LMOD2: variants seen among roughly 807,000 people sequenced by gnomAD.
The protein encoded by LMOD2 is leiomodin-2.
Under a neutral mutation model 41.7 loss-of-function variants are expected in LMOD2, and 27 were observed. The observed-to-expected ratio is 0.65, with a 90% CI of 0.48 to 0.89. LMOD2 has a LOEUF of 0.89. Ranked by LOEUF, LMOD2 falls within the 40% of genes least tolerant of loss-of-function variation. The pLI is 0.00. For synonymous variants in LMOD2, 251 were observed against 244.6 expected, an observed-to-expected ratio of 1.03 and a Z score of -0.25; for missense variants, 624 against 667.9, an observed-to-expected ratio of 0.93 and a Z score of 0.72.
At position 123,656,048 on chromosome 7, in the gene LMOD2, G is replaced by C. The variant is rs780105423; in HGVS notation, c.85G>C (p.Glu29Gln). Residue 29 changes from glutamate (E) to glutamine (Q), a missense_variant, in exon 1 of 3, where the codon GAG becomes CAG. Coordinates refer to ENST00000458573, the MANE Select transcript of LMOD2 (RefSeq NM_207163.3). ...DELLASLSAEELKELERELED... is the reference protein window; with the variant it reads ...DELLASLSAEQLKELERELED... ...ACTCCTCGCCTCCCTGTCAGCCGAG[G>C]AGCTGAAGGAGCTAGAGAGAGAGTT... The C allele has an allele frequency of 4.3e-6, 7 of 1,611,550 alleles. No individual in the cohort carries two copies. The highest frequency in any genetic ancestry group is 5.9e-6 in the Non-Finnish European group (7 of 1,178,954).
In LMOD2 at chr7:123,660,732, C is replaced by T. The variant is rs199586942; in HGVS notation, c.274-1128C>T. Among the ~76,000 whole-genome samples the T allele has an allele frequency of 1.0e-4, 15 of 144,934 alleles. No homozygotes were observed. In the East Asian group the frequency reaches 3.0e-3, roughly 29 times the overall value. On this transcript the variant is annotated intron_variant, in intron 1 of 2. Transcript: ENST00000458573. ...TAGACTCTGTCAGCAATTTCTAGACCTTTTTTTTTTTTAATCAGAAAAGAT... is the reference window on the plus strand; with the variant it reads ...TAGACTCTGTCAGCAATTTCTAGACTTTTTTTTTTTTTAATCAGAAAAGAT...
chr7:123,658,331 C>T (rs1802823030), intron 1 of LMOD2, among the ~76,000 whole-genome samples: 1 of 152,164 alleles, frequency 6.6e-6, no homozygotes, highest in South Asian at 2.1e-4. Flanking sequence ...ATGGAGGGTG[C>T]AAATCCAATT....
Position 123,662,726 on chromosome 7 carries a change from G to A in LMOD2, c.1140G>A (p.Trp380Ter), listed in dbSNP as rs1479557238. ...DGGPNLRTKV[W>*]QRGTPSSSPY... ...GACCCAATCTTAGGACCAAAGTCTG[G>A]CAAAGAGGAACACCTAGCTCTTCAC... The change falls in exon 2 of 3, where the codon TGG becomes TGA. Residue 380 changes from tryptophan (W) to a stop codon, truncating the protein, a stop_gained. Transcript: ENST00000458573. LOFTEE classifies it high-confidence loss of function. The surrounding 1 kb of genome is among the most constrained non-coding windows in gnomAD (Gnocchi z 4.0). The A allele has an allele frequency of 6.2e-7, 1 of 1,613,964 alleles. No individual in the cohort carries two copies. Among genetic ancestry groups the A allele is most frequent in the Non-Finnish European group, 8.5e-7 (1 of 1,179,884 alleles).
At chr7:123,661,727 G>T in intron 1 of LMOD2, 133 bp from the exon 2 acceptor site, 1 of 586,466 alleles carries the variant, frequency 1.7e-6, no homozygotes, top group Non-Finnish European at 2.9e-6. Flanking sequence ...TAGACAGAAT[G>T]GAAGCAGAGG....
intron 1 of LMOD2, among the ~76,000 whole-genome samples, chr7:123,657,204 G>A (rs1385431076): frequency 6.6e-6 from 1 of 151,952 alleles, no homozygotes; most frequent in Non-Finnish European, 1.5e-5. Flanking sequence ...ATTATTCTCT[G>A]GGAAAACAGT....
At chr7:123,661,052 C>A (rs931246152) in intron 1 of LMOD2, among the ~76,000 whole-genome samples, 2 of 152,144 alleles carry the variant, frequency 1.3e-5, no homozygotes, top group African/African-American at 4.8e-5. Context: ...TTGGAGGTTT[C>A]AAGTTGATTT....
At position 123,656,089 on chromosome 7, in the gene LMOD2, T is replaced by C. The variant is rs980621703; in HGVS notation, c.126T>C (p.Pro42=). The C allele has an allele frequency of 1.2e-6, 2 of 1,611,822 alleles. No individual in the cohort carries two copies. The highest frequency in any genetic ancestry group is 1.3e-5 in the African/African-American group (1 of 74,898). Residue 42 remains proline, a synonymous_variant, in exon 1 of 3, where the codon CCT becomes CCC. Transcript: ENST00000458573. The part of the protein sequence containing the change: ...ELERELEDIE[P]DRNLPVGLRQ... ...AGAGAGAGTTGGAAGACATTGAACC[T>C]GACCGCAACCTTCCCGTGGGGCTAA...
Position 123,663,160 on chromosome 7 carries a change from T to G in LMOD2, c.1574T>G (p.Leu525Arg). ...STPQRSAHEN[L>R]MEAIRGSSIK... ...CCACAGAGATCAGCTCATGAGAATCTCATGGAAGCAATTCGGGGAAGCAGC... is the reference window on the plus strand; with the variant it reads ...CCACAGAGATCAGCTCATGAGAATCGCATGGAAGCAATTCGGGGAAGCAGC... The change falls in exon 2 of 3, where the codon CTC becomes CGC. Residue 525 changes from leucine to arginine, a missense_variant. By Grantham distance (102) the Leu-to-Arg change is moderately radical (BLOSUM62 -2). Coordinates refer to ENST00000458573, the MANE Select transcript of LMOD2 (RefSeq NM_207163.3). 1 of 1,570,686 alleles carries G rather than the reference T, an allele frequency of 6.4e-7. No homozygotes were observed. The highest frequency in any genetic ancestry group is 1.2e-5 in the South Asian group (1 of 84,958).
Position 123,662,624 on chromosome 7 carries a change from C to T in LMOD2, c.1038C>T (p.Ser346=), listed in dbSNP as rs1584843904. ...CAGGACCAAGAATGAGCATGACGAG[C>T]ATTTTGACAAGAAATATGGATAAAC... ...ELPGPRMSMT[S]ILTRNMDKQR... Residue 346 remains serine, a synonymous_variant, in exon 2 of 3, where the codon AGC becomes AGT. Coordinates refer to ENST00000458573, the MANE Select transcript of LMOD2 (RefSeq NM_207163.3). The surrounding 1 kb of genome is among the most constrained non-coding windows in gnomAD (Gnocchi z 4.0). 6.2e-7 allele frequency: 1 copy of T among 1,613,980 alleles called. No individual in the cohort carries two copies. The highest frequency in any genetic ancestry group is 8.5e-7 in the Non-Finnish European group (1 of 1,179,900).
Position 123,662,606 on chromosome 7 carries a change from A to C in LMOD2, c.1020A>C (p.Pro340=). The change falls in exon 2 of 3, where the codon CCA becomes CCC. Residue 340 remains proline (P), a synonymous_variant. Coordinates refer to ENST00000458573, the MANE Select transcript of LMOD2 (RefSeq NM_207163.3). The surrounding 1 kb of genome is among the most constrained non-coding windows in gnomAD (Gnocchi z 4.0). The part of the protein sequence containing the change: ...RLGYHFELPG[P]RMSMTSILTR... ...GATACCATTTTGAACTCCCAGGACCAAGAATGAGCATGACGAGCATTTTGA... is the reference window on the plus strand; with the variant it reads ...GATACCATTTTGAACTCCCAGGACCCAGAATGAGCATGACGAGCATTTTGA... 1 of 1,614,038 alleles carries C rather than the reference A, an allele frequency of 6.2e-7. No individual in the cohort carries two copies. The highest frequency in any genetic ancestry group is 8.5e-7 in the Non-Finnish European group (1 of 1,179,900).
chr7:123,656,596 G>T (rs541323696), intron 1 of LMOD2, among the ~76,000 whole-genome samples: 3 of 152,176 alleles, frequency 2.0e-5, no homozygotes, highest in Non-Finnish European at 4.4e-5. Context: ...ACATGCATAC[G>T]TATAAATGTA....
At position 123,662,639 on chromosome 7, in the gene LMOD2, T is replaced by C; in HGVS notation, c.1053T>C (p.Asn351=). Reference sequence around the variant, plus strand: ...GCATGACGAGCATTTTGACAAGAAATATGGATAAACAGAGGCAAAAACGTT... The same window carrying C: ...GCATGACGAGCATTTTGACAAGAAACATGGATAAACAGAGGCAAAAACGTT... ...RMSMTSILTR[N]MDKQRQKRLQ... The change falls in exon 2 of 3, where the codon AAT becomes AAC. Residue 351 remains asparagine (N), a synonymous_variant. Coordinates refer to ENST00000458573, the MANE Select transcript of LMOD2 (RefSeq NM_207163.3). This position sits in a 1 kb window ranked among gnomAD's most constrained non-coding sequence, Gnocchi z 4.0. 6.2e-7 allele frequency: 1 copy of C among 1,613,822 alleles called. No individual in the cohort carries two copies. The highest frequency in any genetic ancestry group is 8.5e-7 in the Non-Finnish European group (1 of 1,179,858).
Position 123,661,890 on chromosome 7 carries a change from G to C in LMOD2, c.304G>C (p.Glu102Gln). The change falls in exon 2 of 3, where the codon GAG (glutamate) becomes CAG (glutamine). Residue 102 changes from glutamate (E) to glutamine (Q), a missense_variant. Transcript: ENST00000458573. Reference protein sequence around the residue: ...VAEDKEESEEELIFTESNSEV... With the variant: ...VAEDKEESEEQLIFTESNSEV... ...AGAAGACAAAGAGGAAAGTGAAGAAGAGCTTATCTTTACTGAAAGTAACAG... is the reference window on the plus strand; with the variant it reads ...AGAAGACAAAGAGGAAAGTGAAGAACAGCTTATCTTTACTGAAAGTAACAG... 1 of 1,541,144 alleles carries C rather than the reference G, an allele frequency of 6.5e-7. No homozygotes were observed. Among genetic ancestry groups the C allele is most frequent in the Non-Finnish European group, 8.8e-7 (1 of 1,142,846 alleles).
In LMOD2 at chr7:123,663,988, C is replaced by T. The variant is rs1024169426; in HGVS notation, c.*243C>T. ...GCAAGAAGCAGTTAATTTAAAGATG[C>T]TCTTCCTATCTGTGGATGTGTTGGT... On this transcript the variant is annotated 3_prime_UTR_variant, in exon 3 of 3. Transcript: ENST00000458573. The T allele has an allele frequency of 8.3e-6, 4 of 479,992 alleles. No individual in the cohort carries two copies. The highest frequency in any genetic ancestry group is 7.9e-5 in the African/African-American group (4 of 50,734). 29.7% of individuals were successfully genotyped at this position (479,992 alleles called of 1,614,324 possible).
Position 123,661,940 on chromosome 7 carries a change from A to AGAGGAG in LMOD2, c.367_372dup (p.Glu123_Glu124dup), listed in dbSNP as rs759412133. 56 of 1,553,774 alleles carry AGAGGAG rather than the reference A, an allele frequency of 3.6e-5. No individual in the cohort carries two copies. The highest frequency in any genetic ancestry group is 4.6e-5 in the Non-Finnish European group (53 of 1,147,798). ...GTGAGGTTTCTGAGGAAGTGTATAC[A>AGAGGAG]GAGGAGGAGGAGGAGGAGTCCCAGG... On this transcript the variant is annotated inframe_insertion, in exon 2 of 3. Transcript: ENST00000458573.
At chr7:123,656,283 C>A (rs773422947) in intron 1 of LMOD2, 47 bp downstream of exon 1, 4 of 1,540,282 alleles carry the variant, frequency 2.6e-6, no homozygotes, top group Non-Finnish European at 2.6e-6. Flanking sequence ...TCCCCATCAC[C>A]CCATCCCAAA....
chr7:123,660,248 T>C (rs1459728990), intron 1 of LMOD2, among the ~76,000 whole-genome samples: 1 of 152,038 alleles, frequency 6.6e-6, no homozygotes, highest in Non-Finnish European at 1.5e-5. Flanking sequence ...TGTTGCATTG[T>C]GACTTGCAGC....
rs368268749 is a variant in LMOD2 at position 123,663,048 on chromosome 7, C to G, written c.1462C>G (p.Gln488Glu). The G allele has an allele frequency of 6.4e-7, 1 of 1,554,748 alleles. No homozygotes were observed. The highest frequency in any genetic ancestry group is 8.7e-7 in the Non-Finnish European group (1 of 1,149,228). Residue 488 changes from glutamine (Q) to glutamate (E), a missense_variant, in exon 2 of 3, where the codon CAG (glutamine) becomes GAG (glutamate). Physicochemically the swap from Gln to Glu is conservative, Grantham distance 29. Coordinates refer to ENST00000458573, the MANE Select transcript of LMOD2 (RefSeq NM_207163.3). ...KKKKGKKVKK[Q>E]PNSILKEIKN... The stretch of plus-strand genomic sequence containing the variant: ...GAAAAAAGGGAAAAAGGTCAAGAAA[C>G]AGCCAAACAGTATTCTAAAGGAAAT...
At position 123,661,845 on chromosome 7, in the gene LMOD2, TATC is replaced by T; in HGVS notation, c.274-12_274-10del. The T allele has an allele frequency of 6.9e-7, 1 of 1,456,432 alleles. No individual in the cohort carries two copies. The highest frequency in any genetic ancestry group is 9.2e-7 in the Non-Finnish European group (1 of 1,092,698). The allele number at this position is 1,456,432 out of a possible 1,614,324, so 90.2% of individuals were successfully genotyped here. ...TCATTTTTAAGAAGCTTAATGATGA[TATC>T]ATACTCTTTAGGTTGCAGAAGACAA... On this transcript the variant is annotated splice_polypyrimidine_tract_variant and intron_variant, in intron 1 of 2. Coordinates refer to ENST00000458573, the MANE Select transcript of LMOD2 (RefSeq NM_207163.3).
Sources: gnomAD v4.1 joint callset for allele counts (sites outside exome capture counted in the v4.1 genomes callset) on GRCh38, gnomAD v4.1.1 for gene constraint, Gnocchi (gnomAD v3.1) non-coding constraint, MANE v1.5 for transcripts, NCBI Gene and HGNC (gene_info 2026-07-23, HGNC 2026-07-21) for gene names.